Variants in GLOD4 observed in about 807,000 individuals in gnomAD.
GLOD4 encodes glyoxalase domain-containing protein 4.
In GLOD4, 44 loss-of-function variants were observed where a neutral mutation model predicts 39.1. That is an observed-to-expected ratio of 1.13 (90% confidence interval 0.88 to 1.45). The LOEUF is 1.45. Among genes scored for constraint, GLOD4 ranks in the 40% most tolerant of loss-of-function variants. GLOD4 has a pLI of 0.00. For synonymous variants in GLOD4, 145 were observed against 135.0 expected, an observed-to-expected ratio of 1.07 and a Z score of -0.52; for missense variants, 405 against 366.4, an observed-to-expected ratio of 1.11 and a Z score of -0.86.
In GLOD4 at chr17:759,955, T is replaced by C. The variant is rs1261147402; in HGVS notation, c.*218A>G. The C allele has an allele frequency of 7.0e-6, 4 of 568,464 alleles. No homozygotes were observed. Among genetic ancestry groups the C allele is most frequent in the Non-Finnish European group, 1.2e-5 (4 of 320,146 alleles). The allele number at this position is 568,464 out of a possible 1,614,324, so 35.2% of individuals were successfully genotyped here. A position where few individuals can be genotyped will look rare whatever the true frequency, so the allele number is the denominator to read the frequency against. On this transcript the variant is annotated 3_prime_UTR_variant, in exon 9 of 9. Transcript: ENST00000301329. ...AGAATGCGCAGTCCCAGCAACAGTG[T>C]AGATTACAGCAGGCGTTCTCTACCT...
At chr17:783,141 C>A, upstream of GLOD4, 1 of 1,613,926 alleles carries the variant, frequency 6.2e-7, no homozygotes, top group Non-Finnish European at 8.5e-7. Flanking sequence ...GAAGATCCTG[C>A]TGGAAGGTCG....
At chr17:764,557 C>T (rs941971888) in intron 8 of GLOD4, 1 of 152,044 alleles carries the variant, frequency 6.6e-6, no homozygotes, top group African/African-American at 2.4e-5. Flanking sequence ...ATGTTCATGG[C>T]AGTCTTCCTT....
intron 8 of GLOD4, chr17:763,738 T>C (rs1905955702): frequency 6.6e-6 from 1 of 152,084 alleles, no homozygotes; most frequent in African/African-American, 2.4e-5. Context: ...GAAGAATGGA[T>C]TTGAGGTAAG....
At chr17:760,622 G>A (rs1440325962) in intron 8 of GLOD4, among the ~76,000 whole-genome samples, 6 of 152,198 alleles carry the variant, frequency 3.9e-5, no homozygotes, top group Non-Finnish European at 7.3e-5. Flanking sequence ...ACAGCATCTG[G>A]GCAGACGCTC....
chr17:782,350 T>G (rs775425873), upstream of GLOD4: 22 of 1,612,804 alleles, frequency 1.4e-5, no homozygotes, highest in Non-Finnish European at 1.7e-5. Context: ...ACGGCGCGCT[T>G]TCGTGACGCA....
upstream of GLOD4, chr17:782,478 C>A (rs139746250): frequency 5.8e-4 from 942 of 1,613,718 alleles, 4 homozygotes; most frequent in African/African-American, 0.011. Context: ...CCGGGCGCTG[C>A]GGCGGAGCCC....
chr17:770,483 T>C lies in GLOD4; in HGVS notation c.568A>G (p.Lys190Glu). Residue 190 changes from lysine to glutamate, a missense_variant, in exon 6 of 9, where the codon AAG (lysine) becomes GAG (glutamate). By Grantham distance (56) the Lys-to-Glu change is moderately conservative. Transcript: ENST00000301329. Reference sequence around the variant, plus strand: ...GCTGCTGCATGGTCCACCCCACCCTTGACGCCCTGTAGCTCCAGCTTACAC... The same window carrying C: ...GCTGCTGCATGGTCCACCCCACCCTCGACGCCCTGTAGCTCCAGCTTACAC... Reference protein sequence around the residue: ...NQCKLELQGVKGGVDHAAAFG... With the variant: ...NQCKLELQGVEGGVDHAAAFG... 1 of 1,582,630 alleles carries C rather than the reference T, an allele frequency of 6.3e-7. No individual in the cohort carries two copies. The highest frequency in any genetic ancestry group is 8.7e-7 in the Non-Finnish European group (1 of 1,151,144).
intron 4 of GLOD4, among the ~76,000 whole-genome samples, chr17:774,796 C>T (rs1020957890): frequency 5.3e-5 from 8 of 152,090 alleles, no homozygotes; most frequent in African/African-American, 7.2e-5. Context: ...GGGCCGGGCA[C>T]GGTGGTTCAC....
intron 2 of GLOD4, chr17:777,300 A>G (rs16955461): frequency 0.019 from 6,736 of 361,308 alleles, 114 homozygotes; most frequent in East Asian, 0.068. Context: ...ATCAACAAGC[A>G]TGAAATTCCT....
upstream of GLOD4, chr17:783,497 C>T: frequency 6.7e-6 from 4 of 594,842 alleles, no homozygotes; most frequent in South Asian, 2.3e-5. Context: ...CCACCATGCC[C>T]GGGTGATTTT....
chr17:770,508 C>A lies in GLOD4; in HGVS notation c.544-1G>T. 1 of 1,481,184 alleles carries A rather than the reference C, an allele frequency of 6.8e-7. No homozygotes were observed. Among genetic ancestry groups the A allele is most frequent in the Non-Finnish European group, 9.4e-7 (1 of 1,058,710 alleles). The allele number at this position is 1,481,184 out of a possible 1,614,324, so 91.8% of individuals were successfully genotyped here. On this transcript the variant is annotated splice_acceptor_variant, in intron 5 of 8. Transcript: ENST00000301329. LOFTEE classifies it high-confidence loss of function. ...TGACGCCCTGTAGCTCCAGCTTACACTGAAATAGGAAAGGGGGTTATTTTT... is the reference window on the plus strand; with the variant it reads ...TGACGCCCTGTAGCTCCAGCTTACAATGAAATAGGAAAGGGGGTTATTTTT...
At chr17:778,335 G>T in intron 2 of GLOD4, 1 of 387,290 alleles carries the variant, frequency 2.6e-6, no homozygotes. Flanking sequence ...TAACTTGCAG[G>T]ATCTGACATT....
At chr17:775,595 C>T (rs1908768987) in intron 4 of GLOD4, among the ~76,000 whole-genome samples, 180 bp downstream of exon 4, 1 of 152,188 alleles carries the variant, frequency 6.6e-6, no homozygotes. Flanking sequence ...AGATCCCCTA[C>T]TGCTATGTAT....
chr17:776,317 A>G (rs1908940272), intron 3 of GLOD4, among the ~76,000 whole-genome samples: 1 of 152,200 alleles, frequency 6.6e-6, no homozygotes, highest in Non-Finnish European at 1.5e-5. Context: ...CTTACATTTA[A>G]TCAAAGTGCC....
chr17:776,745 C>T lies in GLOD4; in HGVS notation c.261+123G>A, dbSNP rs1477273807. On this transcript the variant is annotated intron_variant, in intron 3 of 8. Transcript: ENST00000301329. The stretch of plus-strand genomic sequence containing the variant: ...GATATCCACGTGGCTAACTCCCTGA[C>T]CTCTTTTGAGTCTCTGCTCAAATGT... 59 of 752,074 alleles carry T rather than the reference C, an allele frequency of 7.8e-5. No homozygotes were observed. In the Admixed American group the frequency reaches 1.2e-3, roughly 15 times the overall value. The allele number at this position is 752,074 out of a possible 1,614,324, so 46.6% of individuals were successfully genotyped here.
Position 769,903 on chromosome 17 carries a change from T to C in GLOD4, c.797A>G (p.Lys266Arg). 1.2e-6 allele frequency: 2 copies of C among 1,610,144 alleles called. No homozygotes were observed. Among genetic ancestry groups the C allele is most frequent in the Non-Finnish European group, 1.7e-6 (2 of 1,176,342 alleles). The change falls in exon 8 of 9, where the codon AAG becomes AGG. Residue 266 changes from lysine (K) to arginine (R), a missense_variant. Lys to Arg is a conservative substitution (Grantham distance 26). Transcript: ENST00000301329. ...CAATTTGCTTCCCTCTGGATCCATC[T>C]TAGAAAGTTCTCGAAATGCTTCATC... is the stretch of plus-strand genomic sequence containing the variant. ...VGDEAFRELS[K>R]MDPEGSKLLD...
At chr17:782,484 A>T (rs773821930), upstream of GLOD4, 1 of 1,613,730 alleles carries the variant, frequency 6.2e-7, no homozygotes. Flanking sequence ...GCTGCGGCGG[A>T]GCCCAGTGAA....
At chr17:783,171 C>T (rs1312620319), upstream of GLOD4, 4 of 1,613,940 alleles carry the variant, frequency 2.5e-6, no homozygotes, top group Non-Finnish European at 3.4e-6. Context: ...TTCAGACGCT[C>T]TCAAGGCTGG....
chr17:766,873 T>C (rs1040698083), intron 8 of GLOD4, among the ~76,000 whole-genome samples: 2 of 152,226 alleles, frequency 1.3e-5, no homozygotes, highest in African/African-American at 4.8e-5. Context: ...CACTCCACCC[T>C]GGGCGACAGA....
Sources: allele counts gnomAD v4.1 joint callset (sites outside exome capture counted in the v4.1 genomes callset), GRCh38; gene constraint gnomAD v4.1.1; transcripts MANE v1.5; gene names NCBI Gene and HGNC (gene_info 2026-07-23, HGNC 2026-07-21).